The following MEOX2 variants were observed in gnomAD, a reference collection of about 807,000 sequenced individuals.
MEOX2 encodes homeobox protein MOX-2.
In MEOX2, 11 loss-of-function variants were observed where a neutral mutation model predicts 27.0. That is an observed-to-expected ratio of 0.41 (90% CI 0.26 to 0.68). MEOX2 has a LOEUF of 0.68. MEOX2 is among the 30% of genes least tolerant of loss of function. The pLI is 0.33. For missense variants in MEOX2, 436 were observed against 385.4 expected (o/e 1.13, Z -1.10); for synonymous variants, 189 against 155.4 (o/e 1.22, Z -1.61).
rs572112212 is a variant in MEOX2 at position 15,642,117 on chromosome 7, C to G, written c.518-15199G>C. On this transcript the variant is annotated intron_variant, in intron 1 of 2. Coordinates refer to ENST00000262041, the MANE Select transcript of MEOX2 (RefSeq NM_005924.5). ...GATGTTCATCTTGTATGGCATCTTG[C>G]AGGTATTCCCTGCATTTCTAATTTC... is the stretch of plus-strand genomic sequence containing the variant. 2.6e-5 allele frequency among the ~76,000 whole-genome samples: 4 copies of G among 152,164 alleles called. No individual in the cohort carries two copies. In the South Asian group the frequency reaches 8.3e-4, roughly 32 times the overall value.
chr7:15,662,174 A>G (rs990473262), intron 1 of MEOX2, among the ~76,000 whole-genome samples: 12 of 150,360 alleles, frequency 8.0e-5, no homozygotes, highest in African/African-American at 2.9e-4. Context: ...ATTTCAGTTA[A>G]TTTTTGAGAA....
At chr7:15,652,919 G>T (rs1353309769) in intron 1 of MEOX2, among the ~76,000 whole-genome samples, 1 of 151,978 alleles carries the variant, frequency 6.6e-6, no homozygotes, top group East Asian at 1.9e-4. Flanking sequence ...TGTTTATTAT[G>T]ATTAAAACTT....
intron 1 of MEOX2, among the ~76,000 whole-genome samples, chr7:15,631,677 C>G (rs16878568): frequency 0.042 from 6,374 of 151,704 alleles, 148 homozygotes; most frequent in African/African-American, 0.076. Flanking sequence ...CAGTATTTAG[C>G]AATAGCTACT....
intron 1 of MEOX2, among the ~76,000 whole-genome samples, chr7:15,630,333 T>C (rs917455366): frequency 2.6e-5 from 4 of 152,076 alleles, no homozygotes; most frequent in African/African-American, 9.7e-5. Flanking sequence ...TGACTTTTTA[T>C]TTCCCCTAGT....
intron 1 of MEOX2, among the ~76,000 whole-genome samples, chr7:15,651,359 C>A (rs569260053): frequency 2.1e-4 from 32 of 152,056 alleles, no homozygotes; most frequent in African/African-American, 7.7e-4. Context: ...TTAACTCTGG[C>A]ATGTTCTTAA....
rs890978366 is a variant in MEOX2 at position 15,611,306 on chromosome 7, G to A, written c.*1081C>T. On this transcript the variant is annotated 3_prime_UTR_variant, in exon 3 of 3. Coordinates refer to ENST00000262041, the MANE Select transcript of MEOX2 (RefSeq NM_005924.5). ...TACATCACATATGAAAAAATAATGT[G>A]TTTTTACCGAATTTAATTTGAAGAT... 1 of 152,124 alleles carries A rather than the reference G, an allele frequency of 6.6e-6. No individual in the cohort carries two copies. The highest frequency in any genetic ancestry group is 1.5e-5 in the Non-Finnish European group (1 of 67,986). 9.4% of individuals were successfully genotyped at this position (152,124 alleles called of 1,614,324 possible).
At chr7:15,675,439 T>G (rs1207078189) in intron 1 of MEOX2, among the ~76,000 whole-genome samples, 2 of 152,190 alleles carry the variant, frequency 1.3e-5, no homozygotes, top group Non-Finnish European at 2.9e-5. Context: ...AGTCAACATT[T>G]TAAGTGATGC....
intron 1 of MEOX2, among the ~76,000 whole-genome samples, chr7:15,655,679 T>C (rs1262254915): frequency 6.6e-6 from 1 of 151,852 alleles, no homozygotes; most frequent in Non-Finnish European, 1.5e-5. Context: ...TTTCTTGTTA[T>C]TAATTTCTAG....
chr7:15,666,554 C>T (rs1015406849), intron 1 of MEOX2, among the ~76,000 whole-genome samples: 1 of 151,398 alleles, frequency 6.6e-6, no homozygotes, highest in Non-Finnish European at 1.5e-5. Context: ...GAGTTCATGA[C>T]CAGCCTGGGC....
chr7:15,661,340 G>T (rs1781913525), intron 1 of MEOX2, among the ~76,000 whole-genome samples: 1 of 152,066 alleles, frequency 6.6e-6, no homozygotes, highest in African/African-American at 2.4e-5. Flanking sequence ...AGCTAATTAT[G>T]GTTTAAGAGA....
chr7:15,682,528 C>G (rs1014075226), intron 1 of MEOX2, among the ~76,000 whole-genome samples: 2 of 151,790 alleles, frequency 1.3e-5, no homozygotes, highest in African/African-American at 4.8e-5. Context: ...TCTACCTCCC[C>G]AAATCGCTCT....
intron 1 of MEOX2, among the ~76,000 whole-genome samples, chr7:15,661,826 T>A (rs1019327669): frequency 5.9e-5 from 9 of 152,192 alleles, no homozygotes; most frequent in African/African-American, 2.2e-4. Flanking sequence ...GCTTAAGCAT[T>A]GACAAATTAT....
chr7:15,662,890 A>G (rs924673708), intron 1 of MEOX2, among the ~76,000 whole-genome samples: 1 of 152,220 alleles, frequency 6.6e-6, no homozygotes, highest in African/African-American at 2.4e-5. Flanking sequence ...TTAGAAAATA[A>G]TCTAACAGAC....
intron 1 of MEOX2, among the ~76,000 whole-genome samples, chr7:15,643,630 C>T (rs1444373921): frequency 1.3e-5 from 2 of 152,192 alleles, no homozygotes; most frequent in East Asian, 1.9e-4. Flanking sequence ...CCATTTTAGG[C>T]TTTCCAGACT....
intron 1 of MEOX2, among the ~76,000 whole-genome samples, chr7:15,640,536 C>A (rs1230897164): frequency 6.6e-6 from 1 of 152,046 alleles, no homozygotes; most frequent in Non-Finnish European, 1.5e-5. Context: ...GCTTGCCCTG[C>A]TAGGACTTTC....
chr7:15,615,689 T>C (rs1272668991), intron 2 of MEOX2, among the ~76,000 whole-genome samples: 3 of 152,170 alleles, frequency 2.0e-5, no homozygotes, highest in South Asian at 2.1e-4. Flanking sequence ...TACTTCTCTC[T>C]ACCTCAATTT....
intron 2 of MEOX2, among the ~76,000 whole-genome samples, chr7:15,615,885 A>C (rs1275825802): frequency 6.6e-6 from 1 of 151,976 alleles, no homozygotes; most frequent in Non-Finnish European, 1.5e-5. Context: ...AAATCCACAT[A>C]TATTTCTTTT....
Position 15,631,775 on chromosome 7 carries a change from C to T in MEOX2, c.518-4857G>A, listed in dbSNP as rs574919774. Among the ~76,000 whole-genome samples the T allele has an allele frequency of 1.5e-4, 23 of 151,580 alleles. No homozygotes were observed. In the South Asian group the frequency reaches 4.8e-3, roughly 32 times the overall value. ...TGGGAAAGTATGAAGATTTGAGATG[C>T]TTTATAAAATCTATATATTTTACAT... On this transcript the variant is annotated intron_variant, in intron 1 of 2. Coordinates refer to ENST00000262041, the MANE Select transcript of MEOX2 (RefSeq NM_005924.5).
At chr7:15,633,882 T>C (rs1781442800) in intron 1 of MEOX2, among the ~76,000 whole-genome samples, 2 of 152,052 alleles carry the variant, frequency 1.3e-5, no homozygotes, top group East Asian at 3.9e-4. Flanking sequence ...TACGATCTGA[T>C]TATAGATTAT....
Sources: gnomAD v4.1 joint callset for allele counts (sites outside exome capture counted in the v4.1 genomes callset) on GRCh38, gnomAD v4.1.1 for gene constraint, MANE v1.5 for transcripts, NCBI Gene and HGNC (gene_info 2026-07-23, HGNC 2026-07-21) for gene names.